CUL3: variants seen among roughly 807,000 people sequenced by gnomAD.
CUL3 encodes the protein cullin-3.
A neutral mutation model predicts 89.1 loss-of-function variants in CUL3; 19 were observed. The ratio of observed to expected loss-of-function variants is 0.21; its 90% CI spans 0.15 to 0.31. CUL3 has a LOEUF of 0.31. Among genes scored for constraint, CUL3 ranks in the 10% least tolerant of loss-of-function variants. The pLI is 1.00. For synonymous variants in CUL3, 351 were observed against 308.4 expected (o/e 1.14, Z -1.45); for missense variants, 469 against 942.3 (o/e 0.50, Z 6.58).
At chr2:224,576,691 G>A (rs556306434) in intron 1 of CUL3, among the ~76,000 whole-genome samples, 32 of 99,828 alleles carry the variant, frequency 3.2e-4, no homozygotes, top group Middle Eastern at 4.5e-3. Flanking sequence ...AAAAAAAGGG[G>A]GGGGGGGGAG....
chr2:224,536,339 C>G (rs916301130), intron 2 of CUL3, among the ~76,000 whole-genome samples: 26 of 152,176 alleles, frequency 1.7e-4, no homozygotes, highest in Non-Finnish European at 3.4e-4. Flanking sequence ...CTTTATTTTG[C>G]TCAAATTTCA....
At chr2:224,516,058 T>G (rs936601320) in intron 3 of CUL3, among the ~76,000 whole-genome samples, 1 of 152,120 alleles carries the variant, frequency 6.6e-6, no homozygotes, top group African/African-American at 2.4e-5. Flanking sequence ...TCCAACCTTC[T>G]CCTTTCATTC....
intron 3 of CUL3, 120 bp from the exon 4 acceptor site, chr2:224,514,892 A>G (rs758427545): frequency 1.0e-5 from 7 of 679,660 alleles, no homozygotes; most frequent in Non-Finnish European, 1.7e-5. Context: ...GGTGAGAAAC[A>G]CTTCAAATGA....
intron 10 of CUL3, 35 bp from the exon 11 acceptor site, chr2:224,500,522 T>G: frequency 6.2e-7 from 1 of 1,606,690 alleles, no homozygotes; most frequent in Non-Finnish European, 8.5e-7. Flanking sequence ...CCCCTCAAAA[T>G]TAACTAGGAT....
intron 1 of CUL3, chr2:224,562,935 T>C (rs1326182641): frequency 5.6e-6 from 1 of 178,974 alleles, no homozygotes; most frequent in African/African-American, 2.4e-5. Flanking sequence ...AATTAAGTCC[T>C]GGGTTCAATA....
chr2:224,555,422 T>C (rs17271442), intron 2 of CUL3, among the ~76,000 whole-genome samples: 2,873 of 152,248 alleles, frequency 0.019, 45 homozygotes, highest in Non-Finnish European at 0.028. Flanking sequence ...TCCTCTCAAT[T>C]TTACATTTAT....
At chr2:224,478,802 CAA>C (rs1401733277) in intron 14 of CUL3, 1 of 154,102 alleles carries the variant, frequency 6.5e-6, no homozygotes, top group Non-Finnish European at 1.4e-5. Context: ...TATGAGGAGA[CAA>C]GAGTATGTAC....
At chr2:224,511,660 T>C in intron 5 of CUL3, 78 bp from the exon 6 acceptor site, 1 of 753,318 alleles carries the variant, frequency 1.3e-6, no homozygotes, top group Non-Finnish European at 2.1e-6. Context: ...TTCTACAGTG[T>C]TTATAATAAA....
chr2:224,509,308 A>G lies in CUL3; in HGVS notation c.883+2046T>C, dbSNP rs542298221. 2.9e-4 allele frequency among the ~76,000 whole-genome samples: 44 copies of G among 152,206 alleles called. 1 individual carries two copies. The highest frequency in any genetic ancestry group is 3.9e-4 in the Admixed American group (6 of 15,284). On this transcript the variant is annotated intron_variant, in intron 6 of 15. Transcript: ENST00000264414. ...GGTTCACTGCAGCCTTGACCTCCCC[A>G]GCCAGATTCAAATGATCCTCTCACC...
At chr2:224,490,309 CCTCT>C (rs1257411224) in intron 13 of CUL3, among the ~76,000 whole-genome samples, 1 of 152,134 alleles carries the variant, frequency 6.6e-6, no homozygotes, top group Non-Finnish European at 1.5e-5. Context: ...CATAAGCTGT[CCTCT>C]CTCTCTAACC....
chr2:224,579,051 A>G (rs558725521), intron 1 of CUL3, among the ~76,000 whole-genome samples: 1 of 152,316 alleles, frequency 6.6e-6, no homozygotes, highest in Admixed American at 6.5e-5. Flanking sequence ...CATATTACTT[A>G]AATAGTTTCT....
At chr2:224,482,253 A>C (rs1398800485) in intron 13 of CUL3, among the ~76,000 whole-genome samples, 175 bp from the exon 14 acceptor site, 1 of 152,162 alleles carries the variant, frequency 6.6e-6, no homozygotes, top group African/African-American at 2.4e-5. Flanking sequence ...TTATTTGAAC[A>C]AACGAGAGGA....
Position 224,585,014 on chromosome 2 carries a change from C to A in CUL3, c.-5G>T. The A allele has an allele frequency of 6.7e-7, 1 of 1,497,044 alleles. No homozygotes were observed. The highest frequency in any genetic ancestry group is 9.0e-7 in the Non-Finnish European group (1 of 1,110,826). The allele number at this position is 1,497,044 out of a possible 1,614,324, so 92.7% of individuals were successfully genotyped here. The stretch of plus-strand genomic sequence containing the variant: ...GCCTTTGCTCAGATTCGACATGGTG[C>A]TCGTCCCCTCCCCGGCGGCGGCTTC... On this transcript the variant is annotated 5_prime_UTR_variant, in exon 1 of 16. Coordinates refer to ENST00000264414, the MANE Select transcript of CUL3 (RefSeq NM_003590.5).
At chr2:224,570,512 G>A (rs907967972) in intron 1 of CUL3, among the ~76,000 whole-genome samples, 1 of 152,200 alleles carries the variant, frequency 6.6e-6, no homozygotes, top group South Asian at 2.1e-4. Context: ...ATGTAGAAGA[G>A]ACATATAGCC....
rs764932380 is a variant in CUL3, at chr2:224,563,244, T to G, written c.67-5388A>C. 48 of 471,240 alleles carry G rather than the reference T, an allele frequency of 1.0e-4. No homozygotes were observed. The highest frequency in any genetic ancestry group is 1.1e-4 in the Non-Finnish European group (25 of 227,090). 29.2% of individuals were successfully genotyped at this position (471,240 alleles called of 1,614,324 possible). A position where few individuals can be genotyped will look rare whatever the true frequency, so the allele number is the denominator to read the frequency against. ...GAAAACATTATTCCCCTACATCTCT[T>G]GTATACTACTTTTCCAGAGCCATTT... is the stretch of plus-strand genomic sequence containing the variant. On this transcript the variant is annotated intron_variant, in intron 1 of 15. Coordinates refer to ENST00000264414, the MANE Select transcript of CUL3 (RefSeq NM_003590.5).
At chr2:224,510,167 C>T (rs1692759570) in intron 6 of CUL3, among the ~76,000 whole-genome samples, 1 of 150,662 alleles carries the variant, frequency 6.6e-6, no homozygotes, top group African/African-American at 2.4e-5. Flanking sequence ...TTGCCAACCC[C>T]TGACTTGGAC....
chr2:224,551,142 A>G (rs1694499258), intron 2 of CUL3, among the ~76,000 whole-genome samples: 2 of 151,166 alleles, frequency 1.3e-5, no homozygotes, highest in Admixed American at 1.3e-4. Context: ...CTGCAGCCTC[A>G]AACTCCTGGG....
intron 13 of CUL3, chr2:224,495,224 T>C (rs952888619): frequency 6.6e-6 from 1 of 152,134 alleles, no homozygotes; most frequent in African/African-American, 2.4e-5. Flanking sequence ...GTAGAGCGAC[T>C]GGACCGTCTT....
At chr2:224,507,887 A>C (rs1327351820) in intron 6 of CUL3, among the ~76,000 whole-genome samples, 1 of 152,216 alleles carries the variant, frequency 6.6e-6, no homozygotes, top group Non-Finnish European at 1.5e-5. Flanking sequence ...TTAAAATGGC[A>C]TTAAGAGTTT....
Sources: allele counts gnomAD v4.1 joint callset (sites outside exome capture counted in the v4.1 genomes callset), GRCh38; gene constraint gnomAD v4.1.1; transcripts MANE v1.5; gene names NCBI Gene and HGNC (gene_info 2026-07-23, HGNC 2026-07-21).